The following CTNNA3 variants were observed in gnomAD, a reference collection of about 807,000 sequenced individuals.
CTNNA3 encodes catenin alpha 3.
CTNNA3 carries 76 observed loss-of-function variants against 95.7 expected under a neutral mutation model. The ratio of observed to expected loss-of-function variants is 0.79; its 90% CI spans 0.66 to 0.96. The LOEUF (loss-of-function observed/expected upper bound fraction) is 0.96. CTNNA3 is among the 40% of genes least tolerant of loss of function. The pLI, the probability that CTNNA3 is intolerant of heterozygous loss-of-function variation, is 0.00. For missense variants in CTNNA3, 1,191 were observed against 1,089.8 expected, an observed-to-expected ratio of 1.09 and a Z score of -1.31; for synonymous variants, 431 against 374.4, an observed-to-expected ratio of 1.15 and a Z score of -1.74.
At chr10:66,752,132 G>A (rs1186833304) in intron 9 of CTNNA3, among the ~76,000 whole-genome samples, 1 of 151,990 alleles carries the variant, frequency 6.6e-6, no homozygotes, top group African/African-American at 2.4e-5. Flanking sequence ...TAAAGAAATA[G>A]AGTAGCCAAA....
intron 5 of CTNNA3, among the ~76,000 whole-genome samples, chr10:67,432,076 C>T (rs549700634): frequency 5.3e-5 from 8 of 152,056 alleles, no homozygotes; most frequent in African/African-American, 1.7e-4. Flanking sequence ...GCATTTCAAA[C>T]TTGCAGGATG....
intron 5 of CTNNA3, among the ~76,000 whole-genome samples, chr10:67,461,180 G>A (rs1023163714): frequency 6.6e-6 from 1 of 152,178 alleles, no homozygotes; most frequent in African/African-American, 2.4e-5. Flanking sequence ...TGGTAGAATA[G>A]AATGAACACA....
At position 66,957,196 on chromosome 10, in the gene CTNNA3, A is replaced by T. The variant is rs1375047760; in HGVS notation, c.1048-181672T>A. ...TGGTCAATAGGACCAACTTTATCAA[A>T]GATATCTCCCACAGTCTGGCTTCAC... On this transcript the variant is annotated intron_variant, in intron 7 of 17. Coordinates refer to ENST00000433211, the MANE Select transcript of CTNNA3 (RefSeq NM_013266.4). Among the ~76,000 whole-genome samples the T allele has an allele frequency of 2.0e-5, 3 of 151,966 alleles. No homozygotes were observed. In the East Asian group the frequency reaches 5.8e-4, roughly 29 times the overall value.
chr10:66,474,297 G>C (rs1413018394), intron 11 of CTNNA3, among the ~76,000 whole-genome samples: 1 of 152,046 alleles, frequency 6.6e-6, no homozygotes, highest in Non-Finnish European at 1.5e-5. Context: ...ATATGAGTGA[G>C]ATCATGCAGT....
At chr10:67,410,147 C>T (rs902887332) in intron 5 of CTNNA3, among the ~76,000 whole-genome samples, 2 of 152,014 alleles carry the variant, frequency 1.3e-5, no homozygotes, top group Admixed American at 6.6e-5. Flanking sequence ...AAATGTGGCT[C>T]ATATACACAA....
intron 13 of CTNNA3, among the ~76,000 whole-genome samples, chr10:66,157,145 A>G (rs2084551911): frequency 6.6e-6 from 1 of 151,886 alleles, no homozygotes; most frequent in African/African-American, 2.4e-5. Context: ...CCCATCACCC[A>G]AGTAGTATAC....
rs1417713676 is a variant in CTNNA3, at chr10:66,331,338, G to GCTTGTTTTTTTTTTTTTTTTTTTTTTTT, written c.1732+47813_1732+47814insAAAAAAAAAAAAAAAAAAAAAAAACAAG. On this transcript the variant is annotated intron_variant, in intron 12 of 17. Coordinates refer to ENST00000433211, the MANE Select transcript of CTNNA3 (RefSeq NM_013266.4). ...TTAAATATGGACTCCTTTCCCCATT[G>GCTTGTTTTTTTTTTTTTTTTTTTTTTTT]TTTGTTTTTTTTTTTTTTTTTTTTT... Among the ~76,000 whole-genome samples, 3 of 39,116 alleles carry GCTTGTTTTTTTTTTTTTTTTTTTTTTTT rather than the reference G, an allele frequency of 7.7e-5. 1 individual carries two copies. Among genetic ancestry groups the GCTTGTTTTTTTTTTTTTTTTTTTTTTTT allele is most frequent in the African/African-American group, 1.4e-4 (2 of 13,984 alleles). The allele number at this position is 39,116 out of a possible 152,430, so 25.7% of individuals were successfully genotyped here. A position where few individuals can be genotyped will look rare whatever the true frequency, so the allele number is the denominator to read the frequency against.
chr10:66,275,385 C>T (rs575466533), intron 13 of CTNNA3, among the ~76,000 whole-genome samples: 14 of 152,150 alleles, frequency 9.2e-5, no homozygotes, highest in East Asian at 3.9e-4. Flanking sequence ...CCCAAACAGG[C>T]GTGAGCCACT....
At chr10:66,423,861 C>T (rs1014250036) in intron 11 of CTNNA3, among the ~76,000 whole-genome samples, 3 of 152,094 alleles carry the variant, frequency 2.0e-5, no homozygotes, top group Non-Finnish European at 1.5e-5. Context: ...TGTTTCTTTC[C>T]TCTTTCTTTA....
chr10:66,370,921 C>A (rs1298108122), intron 12 of CTNNA3, among the ~76,000 whole-genome samples: 1 of 152,052 alleles, frequency 6.6e-6, no homozygotes, highest in Non-Finnish European at 1.5e-5. Context: ...CTGGGTCTCA[C>A]TATGTTGCCT....
In CTNNA3 at chr10:66,253,721, G is replaced by A. The variant is rs184698779; in HGVS notation, c.1884+26749C>T. On this transcript the variant is annotated intron_variant, in intron 13 of 17. Transcript: ENST00000433211. ...CATGTGTGTTTCTGTGTGTGTGCAC[G>A]TTGTGTGTCTGTGTGTTTCTTTTGC... is the stretch of plus-strand genomic sequence containing the variant. Among the ~76,000 whole-genome samples the A allele has an allele frequency of 7.4e-4, 113 of 152,208 alleles. 1 individual carries two copies. The highest frequency in any genetic ancestry group is 8.8e-5 in the Non-Finnish European group (6 of 67,990).
chr10:66,515,329 GTC>G (rs373915427), intron 11 of CTNNA3, among the ~76,000 whole-genome samples: 36 of 128,016 alleles, frequency 2.8e-4, no homozygotes, highest in Admixed American at 3.9e-4. Flanking sequence ...CTCCCTCTCT[GTC>G]TCTCTCTCTC....
chr10:66,268,759 C>T (rs924772515), intron 13 of CTNNA3, among the ~76,000 whole-genome samples: 2 of 152,086 alleles, frequency 1.3e-5, no homozygotes, highest in Non-Finnish European at 2.9e-5. Context: ...TGGATTTTGT[C>T]CAATGAGATG....
intron 7 of CTNNA3, among the ~76,000 whole-genome samples, chr10:66,963,619 A>C (rs1340180103): frequency 6.6e-6 from 1 of 152,142 alleles, no homozygotes; most frequent in Admixed American, 6.5e-5. Flanking sequence ...TAACCCTGAC[A>C]GTTCCCACAA....
intron 7 of CTNNA3, among the ~76,000 whole-genome samples, chr10:66,929,549 T>C (rs1437396451): frequency 6.6e-6 from 1 of 152,158 alleles, no homozygotes; most frequent in Non-Finnish European, 1.5e-5. Context: ...AGACGTGCCT[T>C]CCACCCACAG....
At chr10:66,665,849 T>A (rs1402105844) in intron 9 of CTNNA3, among the ~76,000 whole-genome samples, 3 of 152,144 alleles carry the variant, frequency 2.0e-5, no homozygotes, top group African/African-American at 7.2e-5. Context: ...TCTCAGAGAT[T>A]ACACTTTCCA....
At chr10:67,217,884 T>C (rs570940314) in intron 6 of CTNNA3, among the ~76,000 whole-genome samples, 23 of 147,244 alleles carry the variant, frequency 1.6e-4, no homozygotes, top group African/African-American at 5.2e-4. Flanking sequence ...TGAATGCCAA[T>C]GTGATGGCAC....
intron 12 of CTNNA3, among the ~76,000 whole-genome samples, chr10:66,348,071 A>G (rs1358271205): frequency 6.6e-6 from 1 of 152,106 alleles, no homozygotes; most frequent in Admixed American, 6.5e-5. Context: ...CAACCTTAAG[A>G]ATACTAAGAA....
intron 11 of CTNNA3, among the ~76,000 whole-genome samples, chr10:66,472,587 T>G (rs1305715117): frequency 6.6e-6 from 1 of 152,012 alleles, no homozygotes; most frequent in Non-Finnish European, 1.5e-5. Context: ...TAAAAATATT[T>G]TTAAAGTTCT....
Sources: allele counts gnomAD v4.1 joint callset (sites outside exome capture counted in the v4.1 genomes callset), GRCh38; gene constraint gnomAD v4.1.1; transcripts MANE v1.5; gene names NCBI Gene and HGNC (gene_info 2026-07-23, HGNC 2026-07-21).